MYT1L: variants seen among roughly 807,000 people sequenced by gnomAD.
The protein encoded by MYT1L is myelin transcription factor 1 like, also known as myelin transcription factor 1-like protein.
In MYT1L, 12 loss-of-function variants were observed where a neutral mutation model predicts 126.7. That is an observed-to-expected ratio of 0.09 (90% CI 0.06 to 0.15). The LOEUF is 0.15. Among genes scored for constraint, MYT1L ranks in the 10% least tolerant of loss-of-function variants. The probability of loss-of-function intolerance (pLI) is 1.00; values close to 1 mark genes in which losing one functional copy is unlikely to be tolerated. For synonymous variants in MYT1L, 541 were observed against 604.2 expected, an observed-to-expected ratio of 0.90 and a Z score of 1.53; for missense variants, 979 against 1,585.2, an observed-to-expected ratio of 0.62 and a Z score of 6.49.
chr2:1,974,852 G>T (rs2149465489), intron 8 of MYT1L: 1 of 152,194 alleles, frequency 6.6e-6, no homozygotes, highest in African/African-American at 2.4e-5. Context: ...TCCTTATGTT[G>T]TTCCAAATTT....
intron 2 of MYT1L, among the ~76,000 whole-genome samples, chr2:2,282,210 T>C (rs574026055): frequency 3.3e-5 from 5 of 152,336 alleles, no homozygotes; most frequent in African/African-American, 9.6e-5. Flanking sequence ...CATTTACATA[T>C]CACCACTGCC....
chr2:2,327,536 G>A (rs1304596467), intron 1 of MYT1L, among the ~76,000 whole-genome samples: 6 of 152,262 alleles, frequency 3.9e-5, no homozygotes, highest in Admixed American at 2.0e-4. Context: ...ACATCATTGC[G>A]CTCAAATTAC....
intron 9 of MYT1L, among the ~76,000 whole-genome samples, chr2:1,934,291 C>CATATATATATAT (rs71276815): frequency 0.022 from 2,757 of 123,450 alleles, 147 homozygotes; most frequent in African/African-American, 0.074. Flanking sequence ...ATTTTTATAA[C>CATATATATATAT]ATATATATAT....
intron 18 of MYT1L, among the ~76,000 whole-genome samples, chr2:1,864,260 A>G (rs55925104): frequency 0.014 from 2,065 of 152,260 alleles, 43 homozygotes; most frequent in African/African-American, 0.047. Context: ...CAACACGCAG[A>G]AAGAAAGCCC....
At chr2:2,152,212 C>A (rs1239633515) in intron 3 of MYT1L, among the ~76,000 whole-genome samples, 4 of 152,272 alleles carry the variant, frequency 2.6e-5, no homozygotes, top group Admixed American at 1.3e-4. Flanking sequence ...ATCACCTGGG[C>A]AGCCACTAGG....
chr2:2,095,089 A>G (rs1287838916), intron 3 of MYT1L, among the ~76,000 whole-genome samples: 1 of 152,256 alleles, frequency 6.6e-6, no homozygotes, highest in Non-Finnish European at 1.5e-5. Flanking sequence ...AAATGTCACA[A>G]AACCTCCTAG....
At chr2:2,266,946 C>T (rs1166339167) in intron 2 of MYT1L, among the ~76,000 whole-genome samples, 1 of 152,188 alleles carries the variant, frequency 6.6e-6, no homozygotes, top group African/African-American at 2.4e-5. Context: ...ATAAATTACC[C>T]AGTCTCGAGC....
intron 5 of MYT1L, among the ~76,000 whole-genome samples, chr2:1,993,873 G>C (rs895190373): frequency 6.6e-6 from 1 of 152,134 alleles, no homozygotes; most frequent in Non-Finnish European, 1.5e-5. Context: ...GAGGGTAAGC[G>C]TTCTCTCACA....
intron 2 of MYT1L, among the ~76,000 whole-genome samples, chr2:2,250,448 A>C (rs909206517): frequency 2.0e-5 from 3 of 152,136 alleles, no homozygotes; most frequent in Non-Finnish European, 4.4e-5. Flanking sequence ...TATTTGTCAG[A>C]TCTAAGAATC....
intron 9 of MYT1L, among the ~76,000 whole-genome samples, chr2:1,928,358 C>G (rs2054502225): frequency 6.6e-6 from 1 of 152,220 alleles, no homozygotes; most frequent in South Asian, 2.1e-4. Context: ...CACTGGGGCA[C>G]CTACTGCTCC....
intron 4 of MYT1L, among the ~76,000 whole-genome samples, chr2:2,038,118 C>T (rs1034305706): frequency 2.6e-5 from 4 of 152,190 alleles, no homozygotes; most frequent in African/African-American, 7.2e-5. Flanking sequence ...GACTACAATA[C>T]GTGCTCGCTG....
intron 2 of MYT1L, among the ~76,000 whole-genome samples, chr2:2,177,566 G>T (rs542719233): frequency 1.3e-5 from 2 of 152,200 alleles, no homozygotes; most frequent in Admixed American, 1.3e-4. Flanking sequence ...ACAAAGGAAA[G>T]AGGTTTAAAT....
chr2:1,962,260 T>C (rs2059013871), intron 8 of MYT1L, among the ~76,000 whole-genome samples: 1 of 152,166 alleles, frequency 6.6e-6, no homozygotes, highest in South Asian at 2.1e-4. Context: ...GGCACAAAAA[T>C]CAATTGTTGA....
intron 21 of MYT1L, among the ~76,000 whole-genome samples, chr2:1,834,207 G>A (rs892426540): frequency 6.6e-6 from 1 of 152,218 alleles, no homozygotes; most frequent in African/African-American, 2.4e-5. Context: ...ATGCACAGGG[G>A]CCCTCCAAAC....
At chr2:1,986,310 G>A (rs536382871) in intron 5 of MYT1L, among the ~76,000 whole-genome samples, 1 of 152,232 alleles carries the variant, frequency 6.6e-6, no homozygotes, top group South Asian at 2.1e-4. Flanking sequence ...GGAATGCCAC[G>A]TCAATGGAAT....
chr2:1,951,453 T>C (rs1311284463), intron 8 of MYT1L, among the ~76,000 whole-genome samples: 2 of 152,028 alleles, frequency 1.3e-5, no homozygotes, highest in African/African-American at 2.4e-5. Flanking sequence ...ACAGAGAACA[T>C]GGGCTAGCCC....
At chr2:2,261,817 A>G in intron 2 of MYT1L, among the ~76,000 whole-genome samples, 1 of 152,218 alleles carries the variant, frequency 6.6e-6, no homozygotes, top group East Asian at 1.9e-4. Flanking sequence ...TGATTATTAG[A>G]ACAGTTTCTG....
At chr2:2,082,948 C>T (rs76123245) in intron 3 of MYT1L, among the ~76,000 whole-genome samples, 5,452 of 152,180 alleles carry the variant, frequency 0.036, 134 homozygotes, top group Non-Finnish European at 0.052. Context: ...CCTGCTCTCT[C>T]CTCCCAATCA....
intron 9 of MYT1L, among the ~76,000 whole-genome samples, chr2:1,927,590 CT>C (rs1205108907): frequency 6.6e-6 from 1 of 152,174 alleles, no homozygotes; most frequent in African/African-American, 2.4e-5. Context: ...CCTGATTGAG[CT>C]ACTGTTCTTT....
Sources: gnomAD v4.1 joint callset for allele counts (sites outside exome capture counted in the v4.1 genomes callset) on GRCh38, gnomAD v4.1.1 for gene constraint, MANE v1.5 for transcripts, NCBI Gene and HGNC (gene_info 2026-07-23, HGNC 2026-07-21) for gene names.